MERTK: variants seen among roughly 807,000 people sequenced by gnomAD.
The protein encoded by MERTK is MER proto-oncogene, tyrosine kinase, also known as tyrosine-protein kinase Mer.
In MERTK, 69 loss-of-function variants were observed where a neutral mutation model predicts 99.3. That is an observed-to-expected ratio of 0.70 (90% CI 0.57 to 0.85). The LOEUF (loss-of-function observed/expected upper bound fraction) is 0.85, where lower values mean the gene tolerates loss of function less well. Among genes scored for constraint, MERTK ranks in the 40% least tolerant of loss-of-function variants. The pLI is 0.00. For synonymous variants in MERTK, 426 were observed against 467.6 expected (o/e 0.91, Z 1.15); for missense variants, 1,125 against 1,249.4 (o/e 0.90, Z 1.50).
intron 4 of MERTK, among the ~76,000 whole-genome samples, chr2:111,961,407 A>T (rs1419375926): frequency 2.0e-5 from 3 of 151,900 alleles, no homozygotes; most frequent in African/African-American, 7.3e-5. Flanking sequence ...CGCCCGCCTC[A>T]GCCTCCCAAA....
In MERTK at chr2:112,017,856, C is replaced by G. The variant is rs1435534958; in HGVS notation, c.2080-1557C>G. On this transcript the variant is annotated intron_variant, in intron 15 of 18. Coordinates refer to ENST00000295408, the MANE Select transcript of MERTK (RefSeq NM_006343.3). ...TAAAACAGGAAAGAGAAGTTGGGGT[C>G]AATGTTTAGGTTCTACAACAAGTAG... Among the ~76,000 whole-genome samples, 4 of 152,016 alleles carry G rather than the reference C, an allele frequency of 2.6e-5. No individual in the cohort carries two copies. The South Asian group carries it at 8.3e-4, about 31-fold the overall frequency.
Position 111,944,979 on chromosome 2 carries a change from T to A in MERTK, c.502T>A (p.Ser168Thr), listed in dbSNP as rs1386756929. Residue 168 changes from serine (S) to threonine (T), a missense_variant, in exon 3 of 19, where the codon TCA becomes ACA. Physicochemically the swap from Ser to Thr is moderately conservative, Grantham distance 58. Transcript: ENST00000295408. ...ASFSITSVQR[S>T]DNGSYICKMK... Reference sequence around the variant, plus strand: ...TTGCAGCATAACCAGTGTGCAGCGTTCAGACAATGGGTCGTATATCTGTAA... The same window carrying A: ...TTGCAGCATAACCAGTGTGCAGCGTACAGACAATGGGTCGTATATCTGTAA... 14 of 1,613,650 alleles carry A rather than the reference T, an allele frequency of 8.7e-6. No individual in the cohort carries two copies. The highest frequency in any genetic ancestry group is 1.0e-5 in the Non-Finnish European group (12 of 1,179,730).
chr2:111,914,277 T>C lies in MERTK; in HGVS notation c.62-14843T>C, dbSNP rs530777944. ...CACCACCACGCCCGGCTAATTTTTG[T>C]ATTTTTGTTTGTTTGTTTGAGACAG... On this transcript the variant is annotated intron_variant, in intron 1 of 18. Coordinates refer to ENST00000295408, the MANE Select transcript of MERTK (RefSeq NM_006343.3). 2.6e-4 allele frequency among the ~76,000 whole-genome samples: 40 copies of C among 151,924 alleles called. 1 individual carries two copies. The highest frequency in any genetic ancestry group is 9.4e-4 in the African/African-American group (39 of 41,410).
intron 5 of MERTK, 149 bp downstream of exon 5, chr2:111,965,426 G>A: frequency 5.3e-6 from 4 of 761,514 alleles, no homozygotes; most frequent in Non-Finnish European, 9.2e-6. Flanking sequence ...TCTCCTCTTT[G>A]GTGTCAGGGT....
At chr2:111,931,547 G>A (rs1235462406) in intron 2 of MERTK, among the ~76,000 whole-genome samples, 10 of 152,090 alleles carry the variant, frequency 6.6e-5, no homozygotes, top group East Asian at 3.9e-4. Flanking sequence ...TTAGCTGGGC[G>A]TGGTGGCGCA....
intron 4 of MERTK, among the ~76,000 whole-genome samples, chr2:111,960,189 T>A (rs558842787): frequency 6.6e-6 from 1 of 152,226 alleles, no homozygotes; most frequent in East Asian, 1.9e-4. Flanking sequence ...GACAGAAAAT[T>A]CCAAATTTTG....
At chr2:111,989,739 A>C (rs1676571723) in intron 8 of MERTK, among the ~76,000 whole-genome samples, 1 of 152,154 alleles carries the variant, frequency 6.6e-6, no homozygotes, top group South Asian at 2.1e-4. Flanking sequence ...GCCCTGCCTA[A>C]CTCTAATGCC....
At chr2:111,899,766 T>C (rs928184236) in intron 1 of MERTK, among the ~76,000 whole-genome samples, 2 of 152,130 alleles carry the variant, frequency 1.3e-5, no homozygotes, top group Non-Finnish European at 2.9e-5. Context: ...TCTGCTCTCC[T>C]TGGCCTCCCA....
At chr2:111,976,192 C>T (rs72938485) in intron 7 of MERTK, among the ~76,000 whole-genome samples, 6,590 of 151,894 alleles carry the variant, frequency 0.043, 489 homozygotes, top group African/African-American at 0.15. Context: ...CCTCCCTGGG[C>T]GCACCACCCT....
Position 111,929,350 on chromosome 2 carries a change from C to T in MERTK, c.292C>T (p.His98Tyr). The T allele has an allele frequency of 2.5e-6, 4 of 1,614,172 alleles. No individual in the cohort carries two copies. Among genetic ancestry groups the T allele is most frequent in the Non-Finnish European group, 3.4e-6 (4 of 1,180,032 alleles). ...SKPLPPLAFK[H>Y]TVGHIILSEH... The stretch of plus-strand genomic sequence containing the variant: ...GCCCCTACCGCCTCTTGCCTTCAAA[C>T]ACACAGTTGGACACATAATACTTTC... Residue 98 changes from histidine (H) to tyrosine (Y), a missense_variant, in exon 2 of 19, where the codon CAC becomes TAC. Physicochemically the swap from His to Tyr is moderately conservative, Grantham distance 83. Transcript: ENST00000295408.
intron 7 of MERTK, among the ~76,000 whole-genome samples, chr2:111,980,641 A>C (rs1021792528): frequency 1.3e-5 from 2 of 151,906 alleles, no homozygotes; most frequent in Non-Finnish European, 2.9e-5. Context: ...GATGGTCTCG[A>C]TCTCCTGACC....
rs1676403002 is a variant in MERTK, at chr2:111,983,001, T to C, written c.1296+8T>C. On this transcript the variant is annotated splice_region_variant and intron_variant, in intron 8 of 18. Transcript: ENST00000295408. ...CAGAGTGCAGGGATTTCCGTAAGTC[T>C]AAACCCTAGAAGAGCACGATTAGTC... The C allele has an allele frequency of 6.2e-7, 1 of 1,609,052 alleles. No homozygotes were observed. The highest frequency in any genetic ancestry group is 8.5e-7 in the Non-Finnish European group (1 of 1,178,234).
chr2:112,015,322 T>A (rs570203431), intron 15 of MERTK, among the ~76,000 whole-genome samples: 1 of 152,222 alleles, frequency 6.6e-6, no homozygotes, highest in African/African-American at 2.4e-5. Context: ...CCCATTCTTA[T>A]TAGGACTTAA....
At chr2:111,955,956 C>A (rs1357298383) in intron 4 of MERTK, among the ~76,000 whole-genome samples, 2 of 131,212 alleles carry the variant, frequency 1.5e-5, no homozygotes, top group South Asian at 4.9e-4. Flanking sequence ...CATCACACAC[C>A]GGGGCCTGTC....
chr2:111,961,010 A>G (rs1349463843), intron 4 of MERTK, among the ~76,000 whole-genome samples: 2 of 151,694 alleles, frequency 1.3e-5, no homozygotes, highest in Non-Finnish European at 2.9e-5. Flanking sequence ...TGAGAGAAAT[A>G]TTCCTCCTCA....
At chr2:111,997,594 T>A in intron 10 of MERTK, 118 bp downstream of exon 10, 2 of 1,207,410 alleles carry the variant, frequency 1.7e-6, no homozygotes, top group Non-Finnish European at 2.4e-6. Context: ...CTGCCCTGCC[T>A]TATGCATACC....
intron 18 of MERTK, among the ~76,000 whole-genome samples, chr2:112,026,411 A>T (rs1326734872): frequency 6.6e-6 from 1 of 152,216 alleles, no homozygotes; most frequent in African/African-American, 2.4e-5. Context: ...AATGAAAAGG[A>T]GATTATGTCC....
intron 2 of MERTK, among the ~76,000 whole-genome samples, chr2:111,944,181 T>C (rs1449969640): frequency 6.6e-6 from 1 of 151,644 alleles, no homozygotes; most frequent in Non-Finnish European, 1.5e-5. Flanking sequence ...ATGCCTGTAA[T>C]CCCAGCTACT....
intron 4 of MERTK, among the ~76,000 whole-genome samples, chr2:111,955,043 A>T (rs1244767638): frequency 6.6e-6 from 1 of 151,254 alleles, no homozygotes; most frequent in East Asian, 1.9e-4. Flanking sequence ...TGCCCCTGAC[A>T]TGCTGATGTA....
Sources: gnomAD v4.1 joint callset for allele counts (sites outside exome capture counted in the v4.1 genomes callset) on GRCh38, gnomAD v4.1.1 for gene constraint, MANE v1.5 for transcripts, NCBI Gene and HGNC (gene_info 2026-07-23, HGNC 2026-07-21) for gene names.